Variants in IGBP1C observed in about 807,000 individuals in gnomAD.
The protein encoded by IGBP1C is immunoglobulin-binding protein 1 family member C.
chr17:58,690,984 G>A, the IGBP1C span, among the ~76,000 whole-genome samples: 9 of 152,114 alleles, frequency 5.9e-5, no homozygotes, highest in Non-Finnish European at 1.3e-4. Context: ...CTTCTGAGTA[G>A]CTGGGACGAC....
chr17:58,666,600 G>C, the IGBP1C span: 1 of 151,886 alleles, frequency 6.6e-6, no homozygotes, highest in Non-Finnish European at 1.5e-5. Flanking sequence ...ACCCACATTT[G>C]GGGAAATCGT....
At chr17:58,684,493 C>T in the IGBP1C span, among the ~76,000 whole-genome samples, 6 of 151,020 alleles carry the variant, frequency 4.0e-5, no homozygotes, top group Admixed American at 2.0e-4. Context: ...CCATATTAGC[C>T]GGGCATGGTG....
chr17:58,668,233 C>T, the IGBP1C span, among the ~76,000 whole-genome samples: 1 of 152,172 alleles, frequency 6.6e-6, no homozygotes, highest in Non-Finnish European at 1.5e-5. Flanking sequence ...TTCCCATTTG[C>T]CCATGCTGTA....
the IGBP1C span, among the ~76,000 whole-genome samples, chr17:58,672,250 G>A: frequency 1.3e-5 from 2 of 152,086 alleles, no homozygotes; most frequent in Non-Finnish European, 2.9e-5. Flanking sequence ...GCCACCAACT[G>A]GTACCATGCT....
chr17:58,664,427 T>C, the IGBP1C span, among the ~76,000 whole-genome samples: 6 of 152,350 alleles, frequency 3.9e-5, no homozygotes, highest in African/African-American at 1.4e-4. Flanking sequence ...CTTGAATTTC[T>C]TTGCTGCTAA....
the IGBP1C span, among the ~76,000 whole-genome samples, chr17:58,682,005 A>C: frequency 6.6e-6 from 1 of 152,228 alleles, no homozygotes; most frequent in African/African-American, 2.4e-5. Context: ...TGCCTTCTTC[A>C]GGCTAGAGTG....
chr17:58,676,978 GTGT>G, the IGBP1C span, among the ~76,000 whole-genome samples: 3 of 152,032 alleles, frequency 2.0e-5, no homozygotes, highest in African/African-American at 7.2e-5. Context: ...AAGTAGCCAG[GTGT>G]TGTGGCGGGT....
chr17:58,678,021 G>A, the IGBP1C span, among the ~76,000 whole-genome samples: 1 of 152,160 alleles, frequency 6.6e-6, no homozygotes, highest in Non-Finnish European at 1.5e-5. Context: ...ATGGTGGCGG[G>A]TGCCTGTAAG....
At chr17:58,690,693 A>C in the IGBP1C span, among the ~76,000 whole-genome samples, 1 of 152,176 alleles carries the variant, frequency 6.6e-6, no homozygotes, top group Non-Finnish European at 1.5e-5. Context: ...AAGTTAAGCA[A>C]TGGGTTGAGT....
the IGBP1C span, among the ~76,000 whole-genome samples, chr17:58,684,450 G>A: frequency 6.8e-6 from 1 of 147,002 alleles, no homozygotes; most frequent in East Asian, 2.0e-4. Flanking sequence ...CAACAAGAGC[G>A]AAACTCCGTC....
At chr17:58,666,691 T>C in the IGBP1C span, 1 of 152,268 alleles carries the variant, frequency 6.6e-6, no homozygotes, top group South Asian at 2.1e-4. Context: ...TCCTGACAGG[T>C]AATTATGAGG....
chr17:58,661,987 T>C, the IGBP1C span, among the ~76,000 whole-genome samples: 1 of 151,966 alleles, frequency 6.6e-6, no homozygotes, highest in African/African-American at 2.4e-5. Flanking sequence ...CAAAGTGACT[T>C]TGCCAAGATT....
chr17:58,685,444 A>T, the IGBP1C span, among the ~76,000 whole-genome samples: 1 of 151,844 alleles, frequency 6.6e-6, no homozygotes, highest in Non-Finnish European at 1.5e-5. Flanking sequence ...TCAAAAAAAA[A>T]AAAAAAGAAT....
chr17:58,666,574 A>G, the IGBP1C span: 4 of 151,914 alleles, frequency 2.6e-5, no homozygotes, highest in Non-Finnish European at 5.9e-5. Flanking sequence ...GCTACCACAA[A>G]TTATACACTG....
the IGBP1C span, among the ~76,000 whole-genome samples, chr17:58,674,402 G>T: frequency 1.9e-4 from 29 of 152,252 alleles, no homozygotes; most frequent in African/African-American, 7.0e-4. Flanking sequence ...AGGCGCAGTG[G>T]CTCACGCCTG....
chr17:58,689,936 G>A, the IGBP1C span, among the ~76,000 whole-genome samples: 8 of 144,206 alleles, frequency 5.5e-5, no homozygotes, highest in East Asian at 1.5e-3. Context: ...TGCAAGCTCC[G>A]CCTCCTGGGT....
At chr17:58,663,228 TC>T in the IGBP1C span, among the ~76,000 whole-genome samples, 2 of 151,618 alleles carry the variant, frequency 1.3e-5, no homozygotes, top group African/African-American at 2.4e-5. Context: ...TTCAAGACCA[TC>T]CTGACTAACA....
At chr17:58,689,904 T>C in the IGBP1C span, among the ~76,000 whole-genome samples, 1 of 146,780 alleles carries the variant, frequency 6.8e-6, no homozygotes, top group African/African-American at 2.5e-5. Flanking sequence ...GGCTGGAATG[T>C]GGTGGCGTGA....
the IGBP1C span, among the ~76,000 whole-genome samples, chr17:58,676,877 T>G: frequency 6.6e-6 from 1 of 152,036 alleles, no homozygotes; most frequent in Non-Finnish European, 1.5e-5. Context: ...ACGCCTGTAA[T>G]CCCAGTACTT....
Sources: allele counts gnomAD v4.1 joint callset (sites outside exome capture counted in the v4.1 genomes callset), GRCh38; gene constraint gnomAD v4.1.1; transcripts MANE v1.5; gene names NCBI Gene and HGNC (gene_info 2026-07-23, HGNC 2026-07-21).